Variants in PRDM11 observed in about 807,000 individuals in gnomAD.
PRDM11 encodes the protein PR/SET domain 11, also known as PR domain-containing protein 11.
PRDM11 carries 20 observed loss-of-function variants against 97.8 expected under a neutral mutation model. The ratio of observed to expected loss-of-function variants is 0.20; its 90% CI spans 0.14 to 0.30. The LOEUF (loss-of-function observed/expected upper bound fraction) is 0.30. Among genes scored for constraint, PRDM11 ranks in the 10% least tolerant of loss-of-function variants. The probability of loss-of-function intolerance (pLI) is 1.00; values close to 1 mark genes in which losing one functional copy is unlikely to be tolerated. For synonymous variants in PRDM11, 599 were observed against 637.7 expected, an observed-to-expected ratio of 0.94 and a Z score of 0.91; for missense variants, 1,139 against 1,555.2, an observed-to-expected ratio of 0.73 and a Z score of 4.50.
At chr11:45,175,245 A>G (rs1377802755) in intron 1 of PRDM11, among the ~76,000 whole-genome samples, 4 of 152,226 alleles carry the variant, frequency 2.6e-5, no homozygotes, top group Admixed American at 6.5e-5. Flanking sequence ...TTGTAGTATC[A>G]TACAGAGTAA....
In PRDM11 at chr11:45,182,227, G is replaced by C. The variant is rs949535084; in HGVS notation, c.120-19G>C. The C allele has an allele frequency of 1.2e-5, 19 of 1,607,334 alleles. No homozygotes were observed. The Admixed American group carries it at 1.3e-4, about 11-fold the overall frequency. On this transcript the variant is annotated intron_variant, in intron 2 of 7. Transcript: ENST00000683152. ...CTGATGACTTCTTTGCTTTCTTTGC[G>C]GGCCTCTGCCCTGGCCAGCTCTAGG...
intron 5 of PRDM11, chr11:45,209,019 A>T: frequency 2.2e-6 from 1 of 456,662 alleles, no homozygotes; most frequent in South Asian, 1.5e-5. Flanking sequence ...CAGGGACAAG[A>T]TTTGGGAAGG....
At chr11:45,128,140 C>T (rs1015555838) in intron 1 of PRDM11, among the ~76,000 whole-genome samples, 27 of 152,332 alleles carry the variant, frequency 1.8e-4, no homozygotes, top group Non-Finnish European at 3.8e-4. Context: ...GGCGTAGGAC[C>T]CTCCGAGCCA....
intron 4 of PRDM11, among the ~76,000 whole-genome samples, chr11:45,190,292 G>A (rs998861068): frequency 2.0e-5 from 3 of 151,830 alleles, no homozygotes; most frequent in African/African-American, 4.8e-5. Flanking sequence ...GACTACAGGC[G>A]CACACCACCA....
At chr11:45,119,619 C>CAAAAAAAAAAAAAAAAAAAAAA (rs56367204) in intron 1 of PRDM11, among the ~76,000 whole-genome samples, 2 of 43,060 alleles carry the variant, frequency 4.6e-5, no homozygotes, top group African/African-American at 2.7e-4. Flanking sequence ...GATTCTGTCT[C>CAAAAAAAAAAAAAAAAAAAAAA]AAAAAAAAAA....
At chr11:45,214,959 C>A (rs1000849242) in intron 5 of PRDM11, among the ~76,000 whole-genome samples, 10 of 152,212 alleles carry the variant, frequency 6.6e-5, no homozygotes, top group Non-Finnish European at 1.5e-4. Flanking sequence ...CATGCATGCA[C>A]GAAACCACTC....
chr11:45,094,892 A>G (rs892841426), upstream of PRDM11, among the ~76,000 whole-genome samples: 1 of 132,250 alleles, frequency 7.6e-6, no homozygotes, highest in Non-Finnish European at 1.6e-5. Flanking sequence ...GGAGGGAAGG[A>G]AGGAAGGGAA....
At chr11:45,213,174 C>T (rs1159794792) in intron 5 of PRDM11, 1 of 456,600 alleles carries the variant, frequency 2.2e-6, no homozygotes, top group Non-Finnish European at 4.4e-6. Flanking sequence ...GTTACCTCCT[C>T]ACCGAGCGCA....
chr11:45,107,284 C>G (rs966768843), intron 1 of PRDM11, among the ~76,000 whole-genome samples: 2 of 152,194 alleles, frequency 1.3e-5, no homozygotes, highest in African/African-American at 4.8e-5. Flanking sequence ...ATCTGTGTGA[C>G]CTGGGCTGAT....
At chr11:45,174,483 T>C (rs760836884) in intron 1 of PRDM11, among the ~76,000 whole-genome samples, 4 of 152,174 alleles carry the variant, frequency 2.6e-5, no homozygotes, top group Non-Finnish European at 5.9e-5. Context: ...TAAACAAAAA[T>C]AAAAACAGGT....
chr11:45,224,965 G>A, intron 7 of PRDM11, 122 bp downstream of exon 7: 1 of 1,555,134 alleles, frequency 6.4e-7, no homozygotes, highest in Non-Finnish European at 8.6e-7. Context: ...TAACGTGGAG[G>A]CGGCTACCTC....
At chr11:45,194,394 A>G (rs1484819379) in intron 4 of PRDM11, among the ~76,000 whole-genome samples, 2 of 152,124 alleles carry the variant, frequency 1.3e-5, no homozygotes, top group Admixed American at 1.3e-4. Flanking sequence ...AAAATTCCCC[A>G]AGGAGAGCTC....
Position 45,230,185 on chromosome 11 carries a change from C to T in PRDM11, c.*2026C>T, listed in dbSNP as rs1854373123. ...TTGTTTGTTTTCAACAGTGATGTAG[C>T]ATGTTAAAAAACAAAAAACAAAAAA... On this transcript the variant is annotated 3_prime_UTR_variant, in exon 8 of 8. Transcript: ENST00000683152. 1 of 151,348 alleles carries T rather than the reference C, an allele frequency of 6.6e-6. No individual in the cohort carries two copies. The highest frequency in any genetic ancestry group is 1.5e-5 in the Non-Finnish European group (1 of 67,894). 9.4% of individuals were successfully genotyped at this position (151,348 alleles called of 1,614,324 possible).
At chr11:45,124,798 C>G (rs1313075108) in intron 1 of PRDM11, among the ~76,000 whole-genome samples, 1 of 152,090 alleles carries the variant, frequency 6.6e-6, no homozygotes, top group African/African-American at 2.4e-5. Flanking sequence ...GTCTAACATT[C>G]TCTGTTTTGG....
chr11:45,223,208 G>A (rs1246023400), intron 6 of PRDM11, among the ~76,000 whole-genome samples: 1 of 152,188 alleles, frequency 6.6e-6, no homozygotes, highest in Non-Finnish European at 1.5e-5. Flanking sequence ...AGCTACTTGG[G>A]AGGCTGAAGT....
Position 45,181,783 on chromosome 11 carries a change from A to G in PRDM11, c.17A>G (p.Lys6Arg). ...CAGGACAGAATGACCGAGAACATGA[A>G]GGAGTGCTTGGCCCAGACCAATGCA... is the stretch of plus-strand genomic sequence containing the variant. MTENM[K>R]ECLAQTNAAV... is the part of the protein sequence containing the mutation. Residue 6 changes from lysine (K) to arginine (R), a missense_variant, in exon 2 of 8, where the codon AAG (lysine) becomes AGG (arginine). By Grantham distance (26) the Lys-to-Arg change is conservative. Around this residue, in one of 2 missense-constraint regions of PRDM11, gnomAD observed 429 missense variants for 510.3 expected, o/e 0.84. Coordinates refer to ENST00000683152, the MANE Select transcript of PRDM11 (RefSeq NM_001384648.1). 1 of 1,613,152 alleles carries G rather than the reference A, an allele frequency of 6.2e-7. No individual in the cohort carries two copies. Among genetic ancestry groups the G allele is most frequent in the South Asian group, 1.1e-5 (1 of 91,028 alleles).
chr11:45,220,477 C>T (rs2135843096), intron 6 of PRDM11, among the ~76,000 whole-genome samples: 1 of 152,366 alleles, frequency 6.6e-6, no homozygotes, highest in South Asian at 2.1e-4. Flanking sequence ...CATGATCCCA[C>T]ATGCATTCTT....
chr11:45,179,242 C>T (rs1247810164), intron 1 of PRDM11, among the ~76,000 whole-genome samples: 1 of 152,112 alleles, frequency 6.6e-6, no homozygotes, highest in East Asian at 1.9e-4. Flanking sequence ...AAAATAAATC[C>T]CAGCCAATGG....
chr11:45,225,866 A>G lies in PRDM11; in HGVS notation c.1370-129A>G. 8 of 1,215,290 alleles carry G rather than the reference A, an allele frequency of 6.6e-6. No individual in the cohort carries two copies. The South Asian group carries it at 8.6e-5, about 13-fold the overall frequency. 75.3% of individuals were successfully genotyped at this position (1,215,290 alleles called of 1,614,324 possible). A position where few individuals can be genotyped will look rare whatever the true frequency, so the allele number is the denominator to read the frequency against. Reference sequence around the variant, plus strand: ...CTAATTCTGGGCTGGGATTCAATCCATCATAGGCTTCCACGGACTTCTGTT... The same window carrying G: ...CTAATTCTGGGCTGGGATTCAATCCGTCATAGGCTTCCACGGACTTCTGTT... On this transcript the variant is annotated intron_variant, in intron 7 of 7. Coordinates refer to ENST00000683152, the MANE Select transcript of PRDM11 (RefSeq NM_001384648.1).
Sources: allele counts gnomAD v4.1 joint callset (sites outside exome capture counted in the v4.1 genomes callset), GRCh38; gene constraint gnomAD v4.1.1; regional missense constraint gnomAD v4.1.1; transcripts MANE v1.5; gene names NCBI Gene and HGNC (gene_info 2026-07-23, HGNC 2026-07-21).